IFT74: variants seen among roughly 807,000 people sequenced by gnomAD.
The protein encoded by IFT74 is intraflagellar transport protein 74 homolog.
A neutral mutation model predicts 96.7 loss-of-function variants in IFT74; 92 were observed. The observed-to-expected ratio is 0.95, with a 90% confidence interval of 0.80 to 1.13. The LOEUF is 1.13. Ranked by LOEUF, IFT74 falls within the 50% of genes most tolerant of loss-of-function variation. IFT74 has a pLI of 0.00. For synonymous variants in IFT74, 223 were observed against 213.2 expected (o/e 1.05, Z -0.40); for missense variants, 811 against 698.2 (o/e 1.16, Z -1.82).
At chr9:26,964,395 T>C (rs1408468203) in intron 2 of IFT74, among the ~76,000 whole-genome samples, 7 of 146,620 alleles carry the variant, frequency 4.8e-5, no homozygotes, top group Admixed American at 6.9e-5. Flanking sequence ...AGTCAGGTAG[T>C]GTGATGCCTC....
chr9:26,978,211 C>G lies in IFT74; in HGVS notation c.204C>G (p.Ala68=), dbSNP rs750937706. The G allele has an allele frequency of 1.2e-6, 2 of 1,613,382 alleles. No homozygotes were observed. Among genetic ancestry groups the G allele is most frequent in the African/African-American group, 2.7e-5 (2 of 74,858 alleles). Residue 68 remains alanine, a synonymous_variant, in exon 3 of 20, where the codon GCC becomes GCG. Coordinates refer to ENST00000380062, the MANE Select transcript of IFT74 (RefSeq NM_025103.4). ...TTCTGTCTTCTCAAATCAAAGTTGCCCATCGCCCTGTAACACAACAAGGTT... is the reference window on the plus strand; with the variant it reads ...TTCTGTCTTCTCAAATCAAAGTTGCGCATCGCCCTGTAACACAACAAGGTT... ...GGVLSSQIKV[A]HRPVTQQGLT...
chr9:27,037,220 CAAAAA>C (rs11354662), intron 13 of IFT74, among the ~76,000 whole-genome samples: 1 of 91,418 alleles, frequency 1.1e-5, no homozygotes, highest in Non-Finnish European at 2.2e-5. Context: ...AATCCCATCT[CAAAAA>C]AAAAAAAAAA....
intron 8 of IFT74, among the ~76,000 whole-genome samples, chr9:27,000,013 TC>T (rs909869221): frequency 6.6e-6 from 1 of 151,924 alleles, no homozygotes; most frequent in African/African-American, 2.4e-5. Context: ...GCGAGCCATT[TC>T]CCCCCAGCCA....
chr9:27,052,586 C>T (rs903971006), intron 16 of IFT74, among the ~76,000 whole-genome samples: 10 of 150,252 alleles, frequency 6.7e-5, no homozygotes, highest in Non-Finnish European at 8.9e-5. Context: ...TGAAAACTGG[C>T]TTCAATGGAG....
At chr9:27,043,087 T>C (rs925913103) in intron 13 of IFT74, among the ~76,000 whole-genome samples, 4 of 152,176 alleles carry the variant, frequency 2.6e-5, no homozygotes, top group African/African-American at 9.6e-5. Flanking sequence ...AACTGAGTAG[T>C]AGTTGAGTAA....
At chr9:27,025,150 A>G (rs528468086) in intron 12 of IFT74, among the ~76,000 whole-genome samples, 39 of 152,292 alleles carry the variant, frequency 2.6e-4, no homozygotes, top group Admixed American at 5.9e-4. Context: ...ACATCCAAAT[A>G]TAAGAATGTC....
intron 8 of IFT74, chr9:26,993,710 A>C (rs937398102): frequency 6.6e-6 from 1 of 152,160 alleles, no homozygotes; most frequent in South Asian, 2.1e-4. Flanking sequence ...AGCATACTAT[A>C]CCATACACAA....
At chr9:27,001,846 C>T (rs527632673) in intron 8 of IFT74, among the ~76,000 whole-genome samples, 1 of 152,008 alleles carries the variant, frequency 6.6e-6, no homozygotes, top group Non-Finnish European at 1.5e-5. Context: ...TACATTTTTG[C>T]TTTGGTTTCC....
At chr9:27,017,141 A>G (rs914559169) in intron 11 of IFT74, 91 bp downstream of exon 11, 1 of 989,544 alleles carries the variant, frequency 1.0e-6, no homozygotes, top group African/African-American at 1.6e-5. Flanking sequence ...TGCAAGTAGT[A>G]AAGCTAGTAA....
chr9:27,049,704 T>C (rs1300436705), intron 16 of IFT74, among the ~76,000 whole-genome samples: 1 of 152,160 alleles, frequency 6.6e-6, no homozygotes, highest in Non-Finnish European at 1.5e-5. Flanking sequence ...GAAATAATGC[T>C]ATGATAGAAG....
At chr9:27,030,659 G>A (rs1224652340) in intron 13 of IFT74, among the ~76,000 whole-genome samples, 1 of 151,982 alleles carries the variant, frequency 6.6e-6, no homozygotes, top group Non-Finnish European at 1.5e-5. Context: ...AAGTTATATG[G>A]TCAGAATTTG....
intron 2 of IFT74, among the ~76,000 whole-genome samples, chr9:26,975,364 T>C (rs1827068986): frequency 6.6e-6 from 1 of 152,176 alleles, no homozygotes; most frequent in Non-Finnish European, 1.5e-5. Flanking sequence ...CTTTTGTCAT[T>C]AACATGTTCG....
intron 10 of IFT74, among the ~76,000 whole-genome samples, chr9:27,016,271 C>G (rs1587359090): frequency 6.6e-6 from 1 of 152,148 alleles, no homozygotes; most frequent in Non-Finnish European, 1.5e-5. Context: ...CAGTCTTTGC[C>G]TGAGTCATAA....
At chr9:27,025,013 G>A (rs1164042904) in intron 12 of IFT74, among the ~76,000 whole-genome samples, 2 of 150,746 alleles carry the variant, frequency 1.3e-5, no homozygotes, top group African/African-American at 4.9e-5. Context: ...AACAGTTTGA[G>A]ATTCTGTTAA....
intron 10 of IFT74, among the ~76,000 whole-genome samples, chr9:27,012,285 T>G (rs1158504570): frequency 1.2e-4 from 19 of 152,170 alleles, no homozygotes; most frequent in Non-Finnish European, 2.9e-5. Context: ...TGCGGTGACA[T>G]GATCGTAGCT....
chr9:27,004,109 G>A (rs1828651351), intron 8 of IFT74, among the ~76,000 whole-genome samples: 1 of 152,160 alleles, frequency 6.6e-6, no homozygotes, highest in Non-Finnish European at 1.5e-5. Context: ...TAAGTTAAAA[G>A]TTGATATGAA....
chr9:26,975,426 A>T (rs73643120), intron 2 of IFT74, among the ~76,000 whole-genome samples: 7,531 of 152,252 alleles, frequency 0.049, 248 homozygotes, highest in South Asian at 0.13. Flanking sequence ...TGGCCGGAAA[A>T]CTGAGGGTTT....
At chr9:26,950,428 T>C (rs757403512) in intron 1 of IFT74, among the ~76,000 whole-genome samples, 5 of 152,198 alleles carry the variant, frequency 3.3e-5, no homozygotes, top group African/African-American at 4.8e-5. Flanking sequence ...TCTTGTCTTA[T>C]GAATGTAGCT....
At chr9:27,060,192 G>T (rs1820352390) in intron 18 of IFT74, among the ~76,000 whole-genome samples, 1 of 152,144 alleles carries the variant, frequency 6.6e-6, no homozygotes, top group Non-Finnish European at 1.5e-5. Flanking sequence ...CTCCTATATG[G>T]CTGAACCTTT....
Sources: allele counts gnomAD v4.1 joint callset (sites outside exome capture counted in the v4.1 genomes callset), GRCh38; gene constraint gnomAD v4.1.1; transcripts MANE v1.5; gene names NCBI Gene and HGNC (gene_info 2026-07-23, HGNC 2026-07-21).